The following SCN7A variants were observed in gnomAD, a reference collection of about 807,000 sequenced individuals.
The protein encoded by SCN7A is sodium voltage-gated channel alpha subunit 7, also known as sodium channel protein type 7 subunit alpha.
In SCN7A, 138 loss-of-function variants were observed where a neutral mutation model predicts 155.2. The ratio of observed to expected loss-of-function variants is 0.89; its 90% confidence interval spans 0.77 to 1.02. The LOEUF is 1.02. Ranked by LOEUF, SCN7A falls within the 50% of genes least tolerant of loss-of-function variation. SCN7A has a pLI of 0.00. For missense variants in SCN7A, 2,058 were observed against 1,986.6 expected, an observed-to-expected ratio of 1.04 and a Z score of -0.68; for synonymous variants, 693 against 649.0, an observed-to-expected ratio of 1.07 and a Z score of -1.03.
At chr2:166,429,918 T>A (rs1158380772) in intron 16 of SCN7A, among the ~76,000 whole-genome samples, 1 of 152,046 alleles carries the variant, frequency 6.6e-6, no homozygotes, top group Non-Finnish European at 1.5e-5. Context: ...AATAAGGTGG[T>A]CATTGCTTTA....
intron 15 of SCN7A, among the ~76,000 whole-genome samples, chr2:166,433,274 T>C (rs139363759): frequency 1.3e-5 from 2 of 152,272 alleles, no homozygotes; most frequent in Admixed American, 1.3e-4. Flanking sequence ...CCACAATGTA[T>C]GTCTACTTCA....
chr2:166,449,080 C>T (rs1283119812), intron 11 of SCN7A, among the ~76,000 whole-genome samples: 2 of 152,122 alleles, frequency 1.3e-5, no homozygotes, highest in Non-Finnish European at 2.9e-5. Flanking sequence ...ACTGATTTTA[C>T]ATTGGTAAGA....
At chr2:166,416,149 T>C (rs1017995113) in intron 21 of SCN7A, among the ~76,000 whole-genome samples, 1 of 152,086 alleles carries the variant, frequency 6.6e-6, no homozygotes, top group African/African-American at 2.4e-5. Context: ...GGAAACTCCA[T>C]CCTGGTAAAT....
chr2:166,475,822 T>C (rs921980619), intron 3 of SCN7A, among the ~76,000 whole-genome samples: 35 of 152,010 alleles, frequency 2.3e-4, no homozygotes, highest in Non-Finnish European at 1.0e-4. Context: ...AATTGTCGTT[T>C]GTAACAGCAC....
At chr2:166,414,988 T>C (rs1324296656) in intron 21 of SCN7A, among the ~76,000 whole-genome samples, 1 of 122,598 alleles carries the variant, frequency 8.2e-6, no homozygotes, top group Non-Finnish European at 1.7e-5. Flanking sequence ...TATATATTAT[T>C]ATATAGGATA....
chr2:166,465,649 C>A, intron 8 of SCN7A, 118 bp from the exon 9 acceptor site: 3 of 1,252,184 alleles, frequency 2.4e-6, no homozygotes, highest in Non-Finnish European at 2.3e-6. Context: ...AAGAAAAGAG[C>A]AAATATCCTT....
intron 2 of SCN7A, among the ~76,000 whole-genome samples, chr2:166,480,953 TA>T (rs940187245): frequency 4.6e-5 from 7 of 152,334 alleles, no homozygotes; most frequent in Non-Finnish European, 8.8e-5. Flanking sequence ...AAGTCATTTG[TA>T]AAATGTCTCA....
chr2:166,419,380 G>A (rs968770703), intron 20 of SCN7A, among the ~76,000 whole-genome samples: 1 of 135,446 alleles, frequency 7.4e-6, no homozygotes, highest in Admixed American at 7.7e-5. Context: ...TTTTTTTTGA[G>A]ACAGTCTCAC....
Position 166,472,346 on chromosome 2 carries a change from G to A in SCN7A, c.543C>T (p.Asn181=). The A allele has an allele frequency of 6.2e-7, 1 of 1,608,510 alleles. No homozygotes were observed. Among genetic ancestry groups the A allele is most frequent in the Non-Finnish European group, 8.5e-7 (1 of 1,176,726 alleles). ...ACACAGTTACGCTGAAATCGAGCCA[G>A]TTCCATGGATCACCGAGGAAGGAAA... ...GSFSFLGDPW[N]WLDFSVTVFE... The change falls in exon 6 of 26, where the codon AAC becomes AAT. Residue 181 remains asparagine, a synonymous_variant. Coordinates refer to ENST00000643258, the MANE Select transcript of SCN7A (RefSeq NM_002976.4).
chr2:166,475,387 A>G (rs967942423), intron 3 of SCN7A, among the ~76,000 whole-genome samples: 9 of 150,688 alleles, frequency 6.0e-5, no homozygotes, highest in African/African-American at 1.9e-4. Flanking sequence ...ATTTCTATTT[A>G]TATTTGTATA....
intron 21 of SCN7A, among the ~76,000 whole-genome samples, chr2:166,414,034 A>AG (rs1330032999): frequency 3.3e-5 from 3 of 90,044 alleles, no homozygotes; most frequent in South Asian, 6.1e-4. Flanking sequence ...ATATATATAA[A>AG]TATATTTATA....
intron 10 of SCN7A, 112 bp downstream of exon 10, chr2:166,462,277 C>T: frequency 8.7e-7 from 1 of 1,155,984 alleles, no homozygotes; most frequent in Non-Finnish European, 1.2e-6. Context: ...CTTTTGTCTT[C>T]CAATTCTTCT....
chr2:166,416,793 G>T lies in SCN7A; in HGVS notation c.3328C>A (p.Leu1110Ile). 6.2e-7 allele frequency: 1 copy of T among 1,613,468 alleles called. No homozygotes were observed. Among genetic ancestry groups the T allele is most frequent in the Non-Finnish European group, 8.5e-7 (1 of 1,179,710 alleles). The stretch of plus-strand genomic sequence containing the variant: ...CATAGCATGGATTCGTTAAACAGAA[G>T]GCTTTCACACCGACTCTTATTCATG... Reference protein sequence around the residue: ...EVMNKSRCESLLFNESMLWEN... With the variant: ...EVMNKSRCESILFNESMLWEN... Residue 1110 changes from leucine (L) to isoleucine (I), a missense_variant, in exon 21 of 26, where the codon CTT (leucine) becomes ATT (isoleucine). Transcript: ENST00000643258.
At position 166,462,477 on chromosome 2, in the gene SCN7A, C is replaced by G. The variant is rs368248192; in HGVS notation, c.995G>C (p.Gly332Ala). Reference sequence around the variant, plus strand: ...GCCAAAACTGTCAAAATTTGTGAAGCCTTGATCAGGATTTATGCCAGCTTT... The same window carrying G: ...GCCAAAACTGTCAAAATTTGTGAAGGCTTGATCAGGATTTATGCCAGCTTT... ...CVKAGINPDQ[G>A]FTNFDSFGWA... The change falls in exon 10 of 26, where the codon GGC becomes GCC. Residue 332 changes from glycine to alanine, a missense_variant. Coordinates refer to ENST00000643258, the MANE Select transcript of SCN7A (RefSeq NM_002976.4). The G allele has an allele frequency of 8.1e-6, 13 of 1,613,610 alleles. No individual in the cohort carries two copies. Among genetic ancestry groups the G allele is most frequent in the African/African-American group, 5.3e-5 (4 of 74,904 alleles).
chr2:166,428,371 T>A (rs976067658), intron 17 of SCN7A, among the ~76,000 whole-genome samples: 2 of 152,058 alleles, frequency 1.3e-5, no homozygotes, highest in African/African-American at 4.8e-5. Context: ...TAAATACTTA[T>A]GAGATGTTAA....
intron 11 of SCN7A, among the ~76,000 whole-genome samples, chr2:166,452,279 T>A (rs1478512545): frequency 1.3e-5 from 2 of 151,926 alleles, no homozygotes; most frequent in African/African-American, 4.8e-5. Context: ...AATGTATTCC[T>A]CTCTTACAGT....
At chr2:166,477,377 T>C (rs1475786357) in intron 3 of SCN7A, 86 bp downstream of exon 3, 1 of 868,504 alleles carries the variant, frequency 1.2e-6, no homozygotes, top group Non-Finnish European at 1.7e-6. Context: ...TCATTATCTT[T>C]TTGTATCCTA....
chr2:166,413,197 A>C (rs1444736201), intron 21 of SCN7A, 76 bp from the exon 22 acceptor site: 1 of 814,590 alleles, frequency 1.2e-6, no homozygotes, highest in East Asian at 2.8e-5. Flanking sequence ...TTATTAGTGC[A>C]CTGAAATATT....
chr2:166,480,849 T>C (rs745331744), intron 2 of SCN7A, among the ~76,000 whole-genome samples: 2 of 152,190 alleles, frequency 1.3e-5, no homozygotes, highest in African/African-American at 2.4e-5. Context: ...TCTTTTTACG[T>C]GAACCAATCC....
Sources: gnomAD v4.1 joint callset for allele counts (sites outside exome capture counted in the v4.1 genomes callset) on GRCh38, gnomAD v4.1.1 for gene constraint, MANE v1.5 for transcripts, NCBI Gene and HGNC (gene_info 2026-07-23, HGNC 2026-07-21) for gene names.